DNAH6: variants seen among roughly 807,000 people sequenced by gnomAD.
DNAH6 encodes dynein axonemal heavy chain 6.
A neutral mutation model predicts 491.4 loss-of-function variants in DNAH6; 340 were observed. That is an observed-to-expected ratio of 0.69 (90% confidence interval 0.63 to 0.76). DNAH6 has a LOEUF of 0.76. Among genes scored for constraint, DNAH6 ranks in the 30% least tolerant of loss-of-function variants. DNAH6 has a pLI of 0.00. For synonymous variants in DNAH6, 1,603 were observed against 1,686.1 expected, an observed-to-expected ratio of 0.95 and a Z score of 1.21; for missense variants, 4,443 against 4,972.2, an observed-to-expected ratio of 0.89 and a Z score of 3.20.
At chr2:84,623,974 C>T (rs894157311) in intron 26 of DNAH6, among the ~76,000 whole-genome samples, 19 of 152,166 alleles carry the variant, frequency 1.2e-4, no homozygotes, top group African/African-American at 4.1e-4. Flanking sequence ...AGGCAAATGT[C>T]TACTCAGGTC....
intron 37 of DNAH6, among the ~76,000 whole-genome samples, chr2:84,659,906 C>T (rs551654748): frequency 3.9e-4 from 60 of 152,200 alleles, no homozygotes; most frequent in Non-Finnish European, 8.2e-4. Context: ...TTCTTGAGCC[C>T]AGGAATTTCA....
chr2:84,495,214 G>A, the DNAH6 span, among the ~76,000 whole-genome samples: 1 of 152,198 alleles, frequency 6.6e-6, no homozygotes, highest in Non-Finnish European at 1.5e-5. Context: ...GCCCAGTCTG[G>A]AATGCAATGG....
At chr2:84,723,596 C>T (rs1476619522) in intron 60 of DNAH6, among the ~76,000 whole-genome samples, 21 of 152,148 alleles carry the variant, frequency 1.4e-4, no homozygotes, top group Non-Finnish European at 1.2e-4. Flanking sequence ...CAGCACTGAC[C>T]TTAACCAAAT....
Position 84,707,028 on chromosome 2 carries a change from C to G in DNAH6, c.8851+9C>G. On this transcript the variant is annotated intron_variant, in intron 53 of 76. Transcript: ENST00000389394. ...TGAAAAAGAAAGCCTGGGTAAGTAA[C>G]TCATAAAATTTACATTGGCCAGGAA... is the stretch of plus-strand genomic sequence containing the variant. 6.7e-7 allele frequency: 1 copy of G among 1,501,346 alleles called. No individual in the cohort carries two copies. Among genetic ancestry groups the G allele is most frequent in the Non-Finnish European group, 8.8e-7 (1 of 1,133,530 alleles). 93.0% of individuals were successfully genotyped at this position (1,501,346 alleles called of 1,614,324 possible).
At chr2:84,814,629 C>T (rs193170883) in intron 75 of DNAH6, among the ~76,000 whole-genome samples, 240 of 152,316 alleles carry the variant, frequency 1.6e-3, no homozygotes, top group Non-Finnish European at 1.4e-3. Flanking sequence ...CGGAGCTTTC[C>T]GGGACCAGCC....
intron 18 of DNAH6, among the ~76,000 whole-genome samples, chr2:84,596,224 T>C (rs755371525): frequency 1.2e-4 from 19 of 152,138 alleles, no homozygotes; most frequent in Non-Finnish European, 2.2e-4. Flanking sequence ...GGTGTACAGG[T>C]CTGAATTTTT....
At chr2:84,794,471 A>C (rs1349448007) in intron 68 of DNAH6, among the ~76,000 whole-genome samples, 1 of 150,932 alleles carries the variant, frequency 6.6e-6, no homozygotes, top group Non-Finnish European at 1.5e-5. Flanking sequence ...GAACTCAAAC[A>C]AATTTACAAG....
chr2:84,655,044 A>T (rs1051344492), intron 35 of DNAH6, among the ~76,000 whole-genome samples: 38 of 152,028 alleles, frequency 2.5e-4, no homozygotes, highest in Admixed American at 7.2e-4. Flanking sequence ...TTCTCCCCAG[A>T]CTAGAAACAC....
intron 41 of DNAH6, 81 bp downstream of exon 41, chr2:84,677,217 T>C (rs1176421932): frequency 6.6e-7 from 1 of 1,525,774 alleles, no homozygotes. Context: ...AAGTGGTGTC[T>C]TGTGTTTCTA....
intron 18 of DNAH6, among the ~76,000 whole-genome samples, chr2:84,601,650 TTA>T (rs1288696915): frequency 1.9e-4 from 2 of 10,680 alleles, no homozygotes; most frequent in South Asian, 0.011. Flanking sequence ...TCCTATTTTT[TTA>T]ATCCAGTCTG....
intron 35 of DNAH6, 109 bp downstream of exon 35, chr2:84,654,891 C>A: frequency 8.1e-7 from 1 of 1,240,288 alleles, no homozygotes; most frequent in Non-Finnish European, 1.1e-6. Flanking sequence ...ATTGAGGGGA[C>A]TTCATTATTT....
intron 18 of DNAH6, among the ~76,000 whole-genome samples, chr2:84,598,127 T>TTTTCTC (rs1553438006): frequency 1.8e-5 from 2 of 109,314 alleles, no homozygotes; most frequent in African/African-American, 6.9e-5. Context: ...TCTATCTTTC[T>TTTTCTC]TTTCTTTCTT....
rs1053650799 is a variant in DNAH6 at position 84,697,661 on chromosome 2, G to A, written c.7611G>A (p.Glu2537=). The A allele has an allele frequency of 1.9e-6, 3 of 1,551,874 alleles. No individual in the cohort carries two copies. The highest frequency in any genetic ancestry group is 2.7e-5 in the African/African-American group (2 of 73,024). ...ATTTATTTGAAAAGGATGAACTGGA[G>A]CAGGTTTTAGCGGCCACCAGACCAA... ...VPNLFEKDEL[E]QVLAATRPRA... Residue 2537 remains glutamate (E), a synonymous_variant, in exon 47 of 77, where the codon GAG becomes GAA. Coordinates refer to ENST00000389394, the MANE Select transcript of DNAH6 (RefSeq NM_001370.2).
Position 84,547,183 on chromosome 2 carries a change from A to C in DNAH6, c.931-85A>C, listed in dbSNP as rs978260141. ...ACACACAGAGGTGTTTATTATCCTTAATAACTATTCTTGCTTTTTGAATGT... is the reference window on the plus strand; with the variant it reads ...ACACACAGAGGTGTTTATTATCCTTCATAACTATTCTTGCTTTTTGAATGT... On this transcript the variant is annotated intron_variant, in intron 5 of 76. Coordinates refer to ENST00000389394, the MANE Select transcript of DNAH6 (RefSeq NM_001370.2). 11 of 1,187,974 alleles carry C rather than the reference A, an allele frequency of 9.3e-6. No homozygotes were observed. The African/African-American group carries it at 1.4e-4, about 15-fold the overall frequency. The allele number at this position is 1,187,974 out of a possible 1,614,324, so 73.6% of individuals were successfully genotyped here. A position where few individuals can be genotyped will look rare whatever the true frequency, so the allele number is the denominator to read the frequency against.
intron 29 of DNAH6, among the ~76,000 whole-genome samples, chr2:84,632,391 A>G (rs1688492628): frequency 1.3e-5 from 2 of 152,228 alleles, no homozygotes; most frequent in South Asian, 4.1e-4. Context: ...CTGCAGAGCC[A>G]GGAGTGGCAG....
At chr2:84,566,787 C>A (rs921806506) in intron 11 of DNAH6, among the ~76,000 whole-genome samples, 1 of 151,958 alleles carries the variant, frequency 6.6e-6, no homozygotes, top group Non-Finnish European at 1.5e-5. Flanking sequence ...GTGGTACTGG[C>A]ACATGAATAG....
chr2:84,676,009 A>G (rs907438749), intron 40 of DNAH6, among the ~76,000 whole-genome samples: 6 of 152,216 alleles, frequency 3.9e-5, no homozygotes, highest in African/African-American at 1.4e-4. Flanking sequence ...AATAGGTGGC[A>G]TGTTCTCTCC....
At chr2:84,626,009 T>C (rs1441780337) in intron 29 of DNAH6, among the ~76,000 whole-genome samples, 1 of 152,242 alleles carries the variant, frequency 6.6e-6, no homozygotes, top group African/African-American at 2.4e-5. Context: ...TTAAACCATA[T>C]ACACATCTTT....
rs1679362968 is a variant in DNAH6, at chr2:84,805,784, C to A, written c.11601C>A (p.Thr3867=). ...IVQELVASVQ[T]RVPEKLEMEG... is the part of the protein sequence containing the mutation. ...AAGAACTTGTTGCTTCTGTCCAGAC[C>A]AGAGTTCCAGGTAATAAATAATTCT... is the stretch of plus-strand genomic sequence containing the variant. The change falls in exon 71 of 77, where the codon ACC becomes ACA. Residue 3867 remains threonine, a synonymous_variant. Transcript: ENST00000389394. 6.5e-7 allele frequency: 1 copy of A among 1,550,144 alleles called. No homozygotes were observed. The highest frequency in any genetic ancestry group is 8.7e-7 in the Non-Finnish European group (1 of 1,146,446).
Sources: gnomAD v4.1 joint callset for allele counts (sites outside exome capture counted in the v4.1 genomes callset) on GRCh38, gnomAD v4.1.1 for gene constraint, MANE v1.5 for transcripts, NCBI Gene and HGNC (gene_info 2026-07-23, HGNC 2026-07-21) for gene names.